Variants in KCNN2 observed in about 807,000 individuals in gnomAD.
The protein encoded by KCNN2 is potassium calcium-activated channel subfamily N member 2.
Under a neutral mutation model 55.5 loss-of-function variants are expected in KCNN2, and 24 were observed. The ratio of observed to expected loss-of-function variants is 0.43; its 90% CI spans 0.31 to 0.61. KCNN2 has a LOEUF of 0.61. Among genes scored for constraint, KCNN2 ranks in the 20% least tolerant of loss-of-function variants. The pLI, the probability that KCNN2 is intolerant of heterozygous loss-of-function variation, is 0.08. For synonymous variants in KCNN2, 431 were observed against 336.1 expected (o/e 1.28, Z -3.09); for missense variants, 754 against 853.6 (o/e 0.88, Z 1.45).
At chr5:114,449,715 T>C (rs1450478601) in intron 3 of KCNN2, among the ~76,000 whole-genome samples, 1 of 152,102 alleles carries the variant, frequency 6.6e-6, no homozygotes, top group Admixed American at 6.5e-5. Context: ...TTTCCAACAT[T>C]GCCTAGTTAA....
intron 1 of KCNN2, among the ~76,000 whole-genome samples, chr5:114,202,496 A>AATATAT (rs10555014): frequency 7.1e-6 from 1 of 139,936 alleles, no homozygotes; most frequent in South Asian, 2.2e-4. Flanking sequence ...CTTCATGCCT[A>AATATAT]ATATATATAT....
chr5:114,428,787 ATC>A (rs1344380681), intron 3 of KCNN2, among the ~76,000 whole-genome samples: 5 of 151,918 alleles, frequency 3.3e-5, no homozygotes, highest in Non-Finnish European at 5.9e-5. Flanking sequence ...TCATATTTTT[ATC>A]TGTTTTAACA....
At chr5:114,114,010 T>G (rs1168502895) in intron 1 of KCNN2, among the ~76,000 whole-genome samples, 1 of 152,138 alleles carries the variant, frequency 6.6e-6, no homozygotes, top group Non-Finnish European at 1.5e-5. Context: ...ATAGATAGTC[T>G]GTTAGTGATA....
chr5:114,269,091 G>A (rs1226950101), intron 2 of KCNN2, among the ~76,000 whole-genome samples: 1 of 151,614 alleles, frequency 6.6e-6, no homozygotes, highest in Non-Finnish European at 1.5e-5. Flanking sequence ...TCACACACAG[G>A]GCGCCCTGTC....
chr5:114,417,821 G>A (rs1759354152), intron 3 of KCNN2, among the ~76,000 whole-genome samples: 2 of 152,080 alleles, frequency 1.3e-5, no homozygotes, highest in African/African-American at 2.4e-5. Flanking sequence ...AAAAATGGGG[G>A]TACAAAAGCC....
At chr5:114,066,214 C>T (rs1330394566) in intron 1 of KCNN2, among the ~76,000 whole-genome samples, 1 of 152,224 alleles carries the variant, frequency 6.6e-6, no homozygotes, top group Admixed American at 6.5e-5. Context: ...AAAGAACTTT[C>T]TCTCTTTCTC....
At chr5:114,178,674 T>TAA (rs1753182394) in intron 1 of KCNN2, among the ~76,000 whole-genome samples, 3 of 152,242 alleles carry the variant, frequency 2.0e-5, no homozygotes, top group Admixed American at 6.5e-5. Flanking sequence ...TTGATATTTT[T>TAA]AAGTGCTTCT....
chr5:114,453,674 TCTC>T (rs1027319084), intron 3 of KCNN2, among the ~76,000 whole-genome samples: 9 of 151,966 alleles, frequency 5.9e-5, no homozygotes, highest in East Asian at 5.8e-4. Context: ...TCTTTTTTGT[TCTC>T]CTCTTCTCTT....
intron 1 of KCNN2, among the ~76,000 whole-genome samples, chr5:114,066,192 C>T (rs754158203): frequency 1.3e-5 from 2 of 152,192 alleles, no homozygotes; most frequent in Non-Finnish European, 2.9e-5. Context: ...AGGATTTAAG[C>T]AATGGTGTCA....
intron 2 of KCNN2, among the ~76,000 whole-genome samples, chr5:114,294,506 A>T (rs1283270085): frequency 5.3e-5 from 8 of 152,130 alleles, no homozygotes; most frequent in South Asian, 2.1e-4. Flanking sequence ...AGCGGTTTTG[A>T]GTGAGTTTCT....
chr5:114,432,466 T>G (rs1016248512), intron 3 of KCNN2, among the ~76,000 whole-genome samples: 8 of 151,732 alleles, frequency 5.3e-5, no homozygotes, highest in African/African-American at 1.9e-4. Flanking sequence ...GTGTCTTTAT[T>G]ATTAAAGTGG....
chr5:114,148,144 T>G (rs899744411), intron 1 of KCNN2, among the ~76,000 whole-genome samples: 1 of 152,142 alleles, frequency 6.6e-6, no homozygotes, highest in Non-Finnish European at 1.5e-5. Flanking sequence ...ATGGAAGGTA[T>G]AGTGAGAGCA....
At chr5:114,113,313 G>T (rs1561481126) in intron 1 of KCNN2, among the ~76,000 whole-genome samples, 1 of 151,828 alleles carries the variant, frequency 6.6e-6, no homozygotes, top group Non-Finnish European at 1.5e-5. Context: ...TATAATTGAG[G>T]AGAGTCATGA....
intron 1 of KCNN2, among the ~76,000 whole-genome samples, chr5:114,079,080 A>G (rs767635244): frequency 1.3e-5 from 2 of 152,148 alleles, no homozygotes; most frequent in Non-Finnish European, 2.9e-5. Flanking sequence ...CCTCAAATAT[A>G]CCCTAATTCC....
At chr5:114,361,321 C>G (rs1757416014), upstream of KCNN2, among the ~76,000 whole-genome samples, 1 of 152,072 alleles carries the variant, frequency 6.6e-6, no homozygotes, top group Admixed American at 6.5e-5. Flanking sequence ...CGCACTTGGG[C>G]TAGAGCGCCG....
intron 3 of KCNN2, among the ~76,000 whole-genome samples, chr5:114,423,388 CTAAA>C (rs1156395828): frequency 3.3e-5 from 5 of 152,136 alleles, no homozygotes; most frequent in African/African-American, 7.2e-5. Context: ...CGATATGAGC[CTAAA>C]TAAAGAGGCT....
At chr5:114,237,127 G>C (rs1055477709) in intron 2 of KCNN2, among the ~76,000 whole-genome samples, 2 of 152,110 alleles carry the variant, frequency 1.3e-5, no homozygotes, top group Admixed American at 1.3e-4. Context: ...GATCACAGGA[G>C]CTATGTGATT....
chr5:114,495,782 A>G (rs1409976780), intron 7 of KCNN2, 113 bp from the exon 8 acceptor site: 9 of 919,514 alleles, frequency 9.8e-6, no homozygotes, highest in South Asian at 9.7e-5. Context: ...GTTAGCTGAC[A>G]CCCCTGTTAC....
intron 1 of KCNN2, among the ~76,000 whole-genome samples, chr5:114,111,520 A>C (rs1482964251): frequency 6.6e-6 from 1 of 152,224 alleles, no homozygotes; most frequent in African/African-American, 2.4e-5. Flanking sequence ...ACAGCAAAAT[A>C]AACTATCATC....
Sources: allele counts gnomAD v4.1 joint callset (sites outside exome capture counted in the v4.1 genomes callset), GRCh38; gene constraint gnomAD v4.1.1; transcripts MANE v1.5; gene names NCBI Gene and HGNC (gene_info 2026-07-23, HGNC 2026-07-21).